Variants in TRPS1 observed in about 807,000 individuals in gnomAD.
The protein encoded by TRPS1 is zinc finger transcription factor Trps1.
A neutral mutation model predicts 101.2 loss-of-function variants in TRPS1; 6 were observed. That is an observed-to-expected ratio of 0.06 (90% CI 0.03 to 0.12). The LOEUF is 0.12. TRPS1 is among the 10% of genes least tolerant of loss of function. The pLI, the probability that TRPS1 is intolerant of heterozygous loss-of-function variation, is 1.00. For synonymous variants in TRPS1, 578 were observed against 589.8 expected, an observed-to-expected ratio of 0.98 and a Z score of 0.29; for missense variants, 1,363 against 1,567.0, an observed-to-expected ratio of 0.87 and a Z score of 2.20.
chr8:115,626,881 T>C (rs914523441), intron 1 of TRPS1, among the ~76,000 whole-genome samples: 1 of 151,776 alleles, frequency 6.6e-6, no homozygotes, highest in African/African-American at 2.4e-5. Context: ...ATTTTAAATA[T>C]CTCATTTCAA....
At chr8:115,580,245 AAT>A (rs1554591593) in intron 5 of TRPS1, among the ~76,000 whole-genome samples, 69 of 139,864 alleles carry the variant, frequency 4.9e-4, no homozygotes, top group Admixed American at 1.6e-3. Flanking sequence ...AAAAAAAAAA[AAT>A]ATATATATAT....
At chr8:115,590,876 C>T (rs2721954) in intron 4 of TRPS1, among the ~76,000 whole-genome samples, 106,441 of 151,996 alleles carry the variant, frequency 0.7, 38,707 homozygotes, top group African/African-American at 0.9. Flanking sequence ...ATCCACATTC[C>T]GTACTGTTTC....
chr8:115,515,347 A>AAGAATTT, intron 5 of TRPS1: 1 of 676,514 alleles, frequency 1.5e-6, no homozygotes, highest in Non-Finnish European at 2.7e-6. Flanking sequence ...TTAATGTGGA[A>AAGAATTT]AGAATTTAAG....
At chr8:115,415,925 TAATC>T (rs1204840582) in intron 6 of TRPS1, among the ~76,000 whole-genome samples, 4 of 152,094 alleles carry the variant, frequency 2.6e-5, no homozygotes, top group African/African-American at 9.7e-5. Context: ...AGAGCATAAA[TAATC>T]AAAGATAAAC....
chr8:115,559,243 AT>A (rs1240787168), intron 5 of TRPS1, among the ~76,000 whole-genome samples: 1 of 152,144 alleles, frequency 6.6e-6, no homozygotes, highest in Non-Finnish European at 1.5e-5. Flanking sequence ...TGGTGTGAGC[AT>A]TTCAATATGT....
intron 5 of TRPS1, among the ~76,000 whole-genome samples, chr8:115,533,444 T>TTTTTTTG (rs1554583391): frequency 7.9e-6 from 1 of 126,536 alleles, no homozygotes; most frequent in African/African-American, 3.4e-5. Flanking sequence ...CTGTTTTTTT[T>TTTTTTTG]TTTTTTTTTT....
At chr8:115,525,305 A>G (rs1815969380) in intron 5 of TRPS1, among the ~76,000 whole-genome samples, 1 of 152,106 alleles carries the variant, frequency 6.6e-6, no homozygotes, top group African/African-American at 2.4e-5. Context: ...TTTGAATGAA[A>G]TTTTAAGGAC....
intron 5 of TRPS1, among the ~76,000 whole-genome samples, chr8:115,570,676 A>AAC (rs1817179889): frequency 1.9e-5 from 2 of 107,838 alleles, no homozygotes; most frequent in African/African-American, 7.6e-5. Context: ...CCTCAAAAAA[A>AAC]ACACACACAC....
chr8:115,415,134 T>C (rs763967180), intron 6 of TRPS1, 50 bp from the exon 7 acceptor site: 1 of 1,527,378 alleles, frequency 6.5e-7, no homozygotes, highest in Non-Finnish European at 8.8e-7. Flanking sequence ...AAAAATACAT[T>C]AAAATGCATT....
intron 5 of TRPS1, among the ~76,000 whole-genome samples, chr8:115,574,400 A>T (rs1192247081): frequency 6.6e-6 from 1 of 152,180 alleles, no homozygotes; most frequent in East Asian, 1.9e-4. Flanking sequence ...CCACAAACAG[A>T]AGTGTGTCTT....
chr8:115,573,436 C>G (rs564088922), intron 5 of TRPS1, among the ~76,000 whole-genome samples: 3 of 152,194 alleles, frequency 2.0e-5, no homozygotes, highest in Admixed American at 2.0e-4. Flanking sequence ...TTTTTTGTCA[C>G]CCGCACATAT....
chr8:115,414,634 T>C lies in TRPS1; in HGVS notation c.3274A>G (p.Asn1092Asp). 3 of 1,613,996 alleles carry C rather than the reference T, an allele frequency of 1.9e-6. No individual in the cohort carries two copies. The highest frequency in any genetic ancestry group is 2.5e-6 in the Non-Finnish European group (3 of 1,179,934). Residue 1092 changes from asparagine to aspartate, a missense_variant, in exon 7 of 7, where the codon AAT becomes GAT. Physicochemically the swap from Asn to Asp is conservative, Grantham distance 23. This residue lies in a region of TRPS1 where 307 missense variants were observed against 392.4 expected (regional missense o/e 0.78). Transcript: ENST00000395715. This position sits in a 1 kb window ranked among gnomAD's most constrained non-coding sequence, Gnocchi z 4.8. Reference protein sequence around the residue: ...EKYMRPAKHPNYSPPGSPIEK... With the variant: ...EKYMRPAKHPDYSPPGSPIEK... The stretch of plus-strand genomic sequence containing the variant: ...ATAGGGCTGCCTGGTGGTGAATAAT[T>C]TGGGTGTTTCGCAGGTCTCATGTAC...
In TRPS1 at chr8:115,469,129, A is replaced by G. The variant is rs1012843798; in HGVS notation, c.2701-50677T>C. 3.3e-5 allele frequency among the ~76,000 whole-genome samples: 5 copies of G among 152,330 alleles called. 1 individual carries two copies. Among genetic ancestry groups the G allele is most frequent in the African/African-American group, 1.2e-4 (5 of 41,576 alleles). On this transcript the variant is annotated intron_variant, in intron 5 of 6. Transcript: ENST00000395715. ...GCATTCCAGTCTGGGTGACAGAGTA[A>G]GACCCTGTCTCAAAACAAAAACAAA...
chr8:115,570,429 T>C (rs1817173483), intron 5 of TRPS1, among the ~76,000 whole-genome samples: 1 of 152,088 alleles, frequency 6.6e-6, no homozygotes, highest in Non-Finnish European at 1.5e-5. Context: ...TTTCCTCATA[T>C]AATTCTATTC....
At chr8:115,511,375 A>G (rs889811919) in intron 5 of TRPS1, 3 of 151,902 alleles carry the variant, frequency 2.0e-5, no homozygotes, top group African/African-American at 7.2e-5. Context: ...TACTTCTTCA[A>G]TTTTGTTTTG....
chr8:115,409,955 CAGTAGCTAA>C lies in TRPS1; in HGVS notation c.*4059_*4067del, dbSNP rs1215452572. 2 of 146,866 alleles carry C rather than the reference CAGTAGCTAA, an allele frequency of 1.4e-5. No individual in the cohort carries two copies. The highest frequency in any genetic ancestry group is 5.1e-5 in the African/African-American group (2 of 38,982). 9.1% of individuals were successfully genotyped at this position (146,866 alleles called of 1,614,324 possible). A position where few individuals can be genotyped will look rare whatever the true frequency, so the allele number is the denominator to read the frequency against. ...TTTGCCATGGCTCTCAAACCAAAGA[CAGTAGCTAA>C]AGTTGACCTCCTCTCAACTTAAGGC... On this transcript the variant is annotated 3_prime_UTR_variant, in exon 7 of 7. Transcript: ENST00000395715.
intron 5 of TRPS1, among the ~76,000 whole-genome samples, chr8:115,467,243 G>T (rs772519250): frequency 1.3e-5 from 2 of 152,050 alleles, no homozygotes; most frequent in Non-Finnish European, 2.9e-5. Flanking sequence ...TGAAGTGGCA[G>T]TGTCCTTTTC....
chr8:115,602,089 T>C (rs1225778871), intron 4 of TRPS1, among the ~76,000 whole-genome samples: 2 of 152,120 alleles, frequency 1.3e-5, no homozygotes, highest in Non-Finnish European at 2.9e-5. Flanking sequence ...GCTGCATCAA[T>C]AGAAAAACCA....
chr8:115,410,883 C>T lies in TRPS1; in HGVS notation c.*3140G>A, dbSNP rs917404800. The T allele has an allele frequency of 6.6e-6, 1 of 151,832 alleles. No homozygotes were observed. The highest frequency in any genetic ancestry group is 1.5e-5 in the Non-Finnish European group (1 of 67,932). The allele number at this position is 151,832 out of a possible 1,614,324, so 9.4% of individuals were successfully genotyped here. ...CCAAGAGAGAAAATTCCTAAATCATCATGAAATTCCTCATTAAAAAAAGTT... is the reference window on the plus strand; with the variant it reads ...CCAAGAGAGAAAATTCCTAAATCATTATGAAATTCCTCATTAAAAAAAGTT... On this transcript the variant is annotated 3_prime_UTR_variant, in exon 7 of 7. Transcript: ENST00000395715.
Sources: allele counts gnomAD v4.1 joint callset (sites outside exome capture counted in the v4.1 genomes callset), GRCh38; gene constraint gnomAD v4.1.1; regional missense constraint gnomAD v4.1.1; non-coding constraint Gnocchi (gnomAD v3.1); transcripts MANE v1.5; gene names NCBI Gene and HGNC (gene_info 2026-07-23, HGNC 2026-07-21).